The following NSF variants were observed in gnomAD, a reference collection of about 807,000 sequenced individuals.
The protein encoded by NSF is vesicle-fusing ATPase.
NSF carries 14 observed loss-of-function variants against 50.3 expected under a neutral mutation model. The ratio of observed to expected loss-of-function variants is 0.28; its 90% CI spans 0.18 to 0.44. The LOEUF (loss-of-function observed/expected upper bound fraction) is 0.44, where lower values mean the gene tolerates loss of function less well. Among genes scored for constraint, NSF ranks in the 20% least tolerant of loss-of-function variants. The pLI is 1.00. For missense variants in NSF, 218 were observed against 504.3 expected (o/e 0.43, Z 5.44); for synonymous variants, 109 against 175.7 (o/e 0.62, Z 3.00).
Position 46,739,512 on chromosome 17 carries a change from C to G in NSF, c.1909-10261C>G, listed in dbSNP as rs940325580. On this transcript the variant is annotated intron_variant, in intron 17 of 20. Transcript: ENST00000398238. ...GGAGATCATGCAACTGCACTCCAGC[C>G]TGGGCAACCAGAGTGAGACCTTGTC... Among the ~76,000 whole-genome samples, 5 of 151,816 alleles carry G rather than the reference C, an allele frequency of 3.3e-5. No individual in the cohort carries two copies. The South Asian group carries it at 1.0e-3, about 32-fold the overall frequency.
chr17:46,708,073 ATGT>A (rs1263709083), intron 13 of NSF, among the ~76,000 whole-genome samples: 3 of 151,428 alleles, frequency 2.0e-5, no homozygotes, highest in Admixed American at 6.6e-5. Flanking sequence ...TACATACCAC[ATGT>A]TGTTATCCAT....
intron 17 of NSF, among the ~76,000 whole-genome samples, chr17:46,731,196 T>A (rs2058945472): frequency 6.6e-6 from 1 of 152,070 alleles, no homozygotes; most frequent in South Asian, 2.1e-4. Flanking sequence ...ACAACATGAA[T>A]GAACTTTGAA....
intron 15 of NSF, among the ~76,000 whole-genome samples, chr17:46,716,809 C>T (rs1229478031): frequency 6.6e-6 from 1 of 152,192 alleles, no homozygotes; most frequent in Non-Finnish European, 1.5e-5. Flanking sequence ...CACATGAACA[C>T]ATATACCCCC....
At chr17:46,622,875 AC>A (rs2058080284) in intron 1 of NSF, among the ~76,000 whole-genome samples, 1 of 144,912 alleles carries the variant, frequency 6.9e-6, no homozygotes, top group East Asian at 2.1e-4. Flanking sequence ...TAATACAAAC[AC>A]CCTTCAAGTA....
At chr17:46,693,221 TA>T (rs1484862125) in intron 10 of NSF, among the ~76,000 whole-genome samples, 153 bp downstream of exon 10, 3 of 147,972 alleles carry the variant, frequency 2.0e-5, no homozygotes, top group Non-Finnish European at 4.5e-5. Flanking sequence ...TGCCTAGGCT[TA>T]ATAGGAAAAA....
chr17:46,708,153 T>C (rs1324834459), intron 13 of NSF, among the ~76,000 whole-genome samples: 1 of 152,222 alleles, frequency 6.6e-6, no homozygotes, highest in Non-Finnish European at 1.5e-5. Flanking sequence ...GTCATTAGCA[T>C]GGCTGTACAG....
intron 13 of NSF, among the ~76,000 whole-genome samples, chr17:46,708,436 T>C (rs1424660748): frequency 6.6e-6 from 1 of 152,012 alleles, no homozygotes; most frequent in Non-Finnish European, 1.5e-5. Context: ...ATTTTCGTAA[T>C]GATTAGTGGT....
chr17:46,744,427 C>G (rs1362301330), intron 17 of NSF, among the ~76,000 whole-genome samples: 1 of 152,214 alleles, frequency 6.6e-6, no homozygotes, highest in African/African-American at 2.4e-5. Flanking sequence ...AAACTCACTT[C>G]TTAATCCATT....
intron 15 of NSF, among the ~76,000 whole-genome samples, chr17:46,725,646 A>G (rs1036385603): frequency 1.3e-5 from 2 of 152,280 alleles, no homozygotes; most frequent in Non-Finnish European, 2.9e-5. Flanking sequence ...TAAGTCTTCA[A>G]TGGTTAAAAG....
intron 17 of NSF, among the ~76,000 whole-genome samples, chr17:46,741,028 G>T (rs1477472197): frequency 6.6e-6 from 1 of 152,166 alleles, no homozygotes; most frequent in Non-Finnish European, 1.5e-5. Flanking sequence ...TATGGGGCTT[G>T]TGGGGGCAGG....
chr17:46,599,083 TAGTTA>T (rs1387935665), intron 1 of NSF, among the ~76,000 whole-genome samples: 1 of 53,520 alleles, frequency 1.9e-5, no homozygotes, highest in East Asian at 3.2e-4. Context: ...TTTTTTCAAG[TAGTTA>T]AGTTAAGGTG....
chr17:46,716,205 A>C (rs1264982620), intron 15 of NSF, among the ~76,000 whole-genome samples: 4 of 151,852 alleles, frequency 2.6e-5, no homozygotes, highest in Non-Finnish European at 5.9e-5. Flanking sequence ...ATGAAATGTA[A>C]ATGTCATTCT....
At chr17:46,595,450 C>T (rs1272910130) in intron 1 of NSF, among the ~76,000 whole-genome samples, 2 of 92,368 alleles carry the variant, frequency 2.2e-5, no homozygotes, top group Non-Finnish European at 3.5e-5. Flanking sequence ...TAGTCATCTA[C>T]TCAGCTATCA....
At chr17:46,743,324 ATTC>A (rs2059095920) in intron 17 of NSF, among the ~76,000 whole-genome samples, 1 of 152,166 alleles carries the variant, frequency 6.6e-6, no homozygotes, top group African/African-American at 2.4e-5. Flanking sequence ...GCAGAGGACT[ATTC>A]TTCAGGTTCC....
chr17:46,708,820 ATAT>A (rs1398590265), intron 13 of NSF, among the ~76,000 whole-genome samples: 4 of 98,550 alleles, frequency 4.1e-5, no homozygotes, highest in Non-Finnish European at 7.6e-5. Context: ...ATATATATAT[ATAT>A]TTTTTTTTTT....
rs542771878 is a variant in NSF, at chr17:46,730,306, GTTC to G, written c.1908+1378_1908+1380del. ...GCATTTAAATTTATCTCTTAAAATA[GTTC>G]TTCTTTTTTAGCTGAAAATAATTTA... On this transcript the variant is annotated intron_variant, in intron 17 of 20. Coordinates refer to ENST00000398238, the MANE Select transcript of NSF (RefSeq NM_006178.4). 3.2e-3 allele frequency among the ~76,000 whole-genome samples: 492 copies of G among 152,188 alleles called. 2 individuals are homozygous for G. The highest frequency in any genetic ancestry group is 5.4e-3 in the Non-Finnish European group (370 of 67,966).
intron 8 of NSF, among the ~76,000 whole-genome samples, chr17:46,671,823 G>A (rs2058372600): frequency 7.2e-6 from 1 of 138,166 alleles, no homozygotes; most frequent in South Asian, 2.2e-4. Flanking sequence ...AAGCATAGTT[G>A]CAAAGTTAAG....
chr17:46,666,054 C>T (rs1233675376), intron 8 of NSF, among the ~76,000 whole-genome samples: 1 of 149,676 alleles, frequency 6.7e-6, no homozygotes, highest in African/African-American at 2.4e-5. Context: ...AGGGTGTGTG[C>T]TCCCCAAGAA....
intron 8 of NSF, among the ~76,000 whole-genome samples, chr17:46,656,958 C>CAAA: frequency 4.7e-4 from 1 of 2,146 alleles, no homozygotes; most frequent in African/African-American, 5.2e-4. Flanking sequence ...TACATAGAAC[C>CAAA]AAAAAAAAAA....
Sources: allele counts gnomAD v4.1 joint callset (sites outside exome capture counted in the v4.1 genomes callset), GRCh38; gene constraint gnomAD v4.1.1; transcripts MANE v1.5; gene names NCBI Gene and HGNC (gene_info 2026-07-23, HGNC 2026-07-21).